The following SCGB2B2 variants were observed in gnomAD, a reference collection of about 807,000 sequenced individuals.
SCGB2B2 encodes secretoglobin family 2B member 2, also known as secretoglobin-like protein.
Under a neutral mutation model 7.6 loss-of-function variants are expected in SCGB2B2, and 11 were observed. The observed-to-expected ratio is 1.45, with a 90% CI of 0.91 to 2.40. SCGB2B2 has a LOEUF of 2.40. Among genes scored for constraint, SCGB2B2 ranks in the 30% most tolerant of loss-of-function variants. SCGB2B2 has a pLI of 0.00. For missense variants in SCGB2B2, 104 were observed against 115.4 expected, an observed-to-expected ratio of 0.90 and a Z score of 0.45; for synonymous variants, 50 against 48.6, an observed-to-expected ratio of 1.03 and a Z score of -0.12.
chr19:34,672,237 T>TG (rs1230144575), intron 1 of SCGB2B2, among the ~76,000 whole-genome samples: 2 of 152,012 alleles, frequency 1.3e-5, no homozygotes, highest in African/African-American at 2.4e-5. Context: ...CATTTTTTTT[T>TG]TTTGCTAGAT....
intron 1 of SCGB2B2, among the ~76,000 whole-genome samples, chr19:34,604,300 G>T (rs1261130672): frequency 6.6e-6 from 1 of 152,198 alleles, no homozygotes; most frequent in Non-Finnish European, 1.5e-5. Context: ...GGACCATGCA[G>T]TTAGTCTTTC....
intron 1 of SCGB2B2, 41 bp from the exon 2 acceptor site, chr19:34,596,635 G>C (rs1364876889): frequency 1.3e-5 from 2 of 152,472 alleles, no homozygotes; most frequent in African/African-American, 4.8e-5. Context: ...CTGGTGTGGG[G>C]ACCCAGCAGG....
chr19:34,642,053 G>C (rs1423791281), intron 1 of SCGB2B2, among the ~76,000 whole-genome samples: 3 of 152,286 alleles, frequency 2.0e-5, no homozygotes, highest in Middle Eastern at 3.4e-3. Context: ...TGCTGTTTTG[G>C]AAGCTGCAGT....
chr19:34,624,226 T>TA (rs1238012424), intron 1 of SCGB2B2, among the ~76,000 whole-genome samples: 1 of 152,186 alleles, frequency 6.6e-6, no homozygotes, highest in Non-Finnish European at 1.5e-5. Context: ...AGGAACTGTT[T>TA]AAATTCACTG....
In SCGB2B2 at chr19:34,590,656, T is replaced by TA. The variant is rs1338698885; in HGVS notation, c.*2898dup. Reference sequence around the variant, plus strand: ...CTGAAATTCAATATTCTATGAAACATACAAGTAGGGAATATAATTCCTTAT... The same window carrying TA: ...CTGAAATTCAATATTCTATGAAACATAACAAGTAGGGAATATAATTCCTTAT... On this transcript the variant is annotated 3_prime_UTR_variant, in exon 4 of 4. Transcript: ENST00000601241. 2.0e-5 allele frequency among the ~76,000 whole-genome samples: 3 copies of TA among 152,212 alleles called. No homozygotes were observed. Among genetic ancestry groups the TA allele is most frequent in the Admixed American group, 2.0e-4 (3 of 15,280 alleles).
chr19:34,653,948 T>C (rs1434539642), intron 1 of SCGB2B2, among the ~76,000 whole-genome samples: 1 of 149,756 alleles, frequency 6.7e-6, no homozygotes, highest in Non-Finnish European at 1.5e-5. Context: ...TTTAACATGG[T>C]ACTGGAAGTC....
At chr19:34,667,730 A>G (rs112910010) in intron 1 of SCGB2B2, among the ~76,000 whole-genome samples, 1,914 of 152,076 alleles carry the variant, frequency 0.013, 28 homozygotes, top group South Asian at 0.069. Flanking sequence ...TGTTCAAAAC[A>G]GCAAGAACCT....
rs770777761 is a variant in SCGB2B2, at chr19:34,594,215, T to C, written c.206A>G (p.Asn69Ser). The C allele has an allele frequency of 1.1e-5, 18 of 1,614,112 alleles. No individual in the cohort carries two copies. The highest frequency in any genetic ancestry group is 1.6e-4 in the Middle Eastern group (1 of 6,062). ...AGCAAATCTTTCTGTCACGGAGACA[T>C]TGGCAAAGCATTGCTGGACATTGAG... ...SFLNVQQCFA[N>S]VSVTERFAHS... Residue 69 changes from asparagine (N) to serine (S), a missense_variant, in exon 3 of 4, where the codon AAT becomes AGT. Coordinates refer to ENST00000601241, the MANE Select transcript of SCGB2B2 (RefSeq NM_001025591.4).
chr19:34,591,744 G>A lies in SCGB2B2; in HGVS notation c.*1811C>T, dbSNP rs1490536555. ...TGCCCCAGACCTTCACCTGGTGGCT[G>A]CCTCAGGTTCTTCAGGACTCAGGGG... On this transcript the variant is annotated 3_prime_UTR_variant, in exon 4 of 4. Transcript: ENST00000601241. 1.3e-5 allele frequency among the ~76,000 whole-genome samples: 2 copies of A among 152,182 alleles called. No homozygotes were observed. The highest frequency in any genetic ancestry group is 2.9e-5 in the Non-Finnish European group (2 of 68,042).
intron 1 of SCGB2B2, among the ~76,000 whole-genome samples, chr19:34,664,235 C>T (rs1025689221): frequency 9.9e-5 from 15 of 152,208 alleles, no homozygotes; most frequent in African/African-American, 2.4e-4. Context: ...ACAGGGCCAA[C>T]GGTCCCTGGC....
chr19:34,612,022 C>CTT (rs753968261), intron 1 of SCGB2B2, among the ~76,000 whole-genome samples: 1 of 41,766 alleles, frequency 2.4e-5, no homozygotes, highest in African/African-American at 1.1e-4. Flanking sequence ...TTAGAAAATT[C>CTT]TTTTTTTTTT....
intron 1 of SCGB2B2, among the ~76,000 whole-genome samples, chr19:34,649,436 G>A (rs2067106513): frequency 6.6e-6 from 1 of 152,108 alleles, no homozygotes; most frequent in East Asian, 1.9e-4. Context: ...AAAGATGAGT[G>A]TAATGTGTAA....
chr19:34,648,351 G>A (rs773218053), intron 1 of SCGB2B2, among the ~76,000 whole-genome samples: 2 of 152,166 alleles, frequency 1.3e-5, no homozygotes, highest in African/African-American at 2.4e-5. Context: ...CAAAGGCCAC[G>A]AGTTTCAACT....
At chr19:34,637,590 G>T in intron 1 of SCGB2B2, 1 of 173,142 alleles carries the variant, frequency 5.8e-6, no homozygotes, top group East Asian at 1.7e-4. Flanking sequence ...AACTCATCAT[G>T]AGACAGGCAA....
intron 1 of SCGB2B2, among the ~76,000 whole-genome samples, chr19:34,600,960 ATTC>A (rs1329426128): frequency 6.6e-6 from 1 of 151,910 alleles, no homozygotes; most frequent in Non-Finnish European, 1.5e-5. Context: ...TTATGTAAAC[ATTC>A]TTATCTCATG....
intron 1 of SCGB2B2, among the ~76,000 whole-genome samples, chr19:34,660,816 C>A (rs2067431979): frequency 6.6e-6 from 1 of 152,212 alleles, no homozygotes; most frequent in South Asian, 2.1e-4. Context: ...TATAAAGACA[C>A]ATGTACACAT....
chr19:34,634,044 A>C (rs1013917779), intron 1 of SCGB2B2, among the ~76,000 whole-genome samples: 1 of 152,170 alleles, frequency 6.6e-6, no homozygotes, highest in Non-Finnish European at 1.5e-5. Flanking sequence ...CAGCCACAAC[A>C]GCCTCAGCAA....
At chr19:34,621,281 G>C (rs540676047) in intron 1 of SCGB2B2, among the ~76,000 whole-genome samples, 1 of 152,276 alleles carries the variant, frequency 6.6e-6, no homozygotes, top group East Asian at 1.9e-4. Flanking sequence ...TGGCCTCAGG[G>C]TGGAGCTCTT....
intron 1 of SCGB2B2, among the ~76,000 whole-genome samples, chr19:34,631,028 A>G (rs560099677): frequency 4.7e-5 from 7 of 147,724 alleles, no homozygotes; most frequent in African/African-American, 1.7e-4. Flanking sequence ...AAAACCAAAC[A>G]CTGTATGTTC....
Sources: gnomAD v4.1 joint callset for allele counts (sites outside exome capture counted in the v4.1 genomes callset) on GRCh38, gnomAD v4.1.1 for gene constraint, MANE v1.5 for transcripts, NCBI Gene and HGNC (gene_info 2026-07-23, HGNC 2026-07-21) for gene names.